MACROD2: variants seen among roughly 807,000 people sequenced by gnomAD.
MACROD2 encodes ADP-ribose glycohydrolase MACROD2.
In MACROD2, 36 loss-of-function variants were observed where a neutral mutation model predicts 70.4. That is an observed-to-expected ratio of 0.51 (90% CI 0.39 to 0.68). MACROD2 has a LOEUF of 0.68. Among genes scored for constraint, MACROD2 ranks in the 30% least tolerant of loss-of-function variants. The pLI is 0.00. For missense variants in MACROD2, 496 were observed against 538.4 expected (o/e 0.92, Z 0.78); for synonymous variants, 172 against 178.8 (o/e 0.96, Z 0.30).
At chr20:15,136,419 C>G (rs1237467123) in intron 5 of MACROD2, among the ~76,000 whole-genome samples, 3 of 152,096 alleles carry the variant, frequency 2.0e-5, no homozygotes, top group Non-Finnish European at 4.4e-5. Context: ...ATATCTACAA[C>G]TATCTGATCT....
intron 6 of MACROD2, among the ~76,000 whole-genome samples, chr20:15,425,499 G>C (rs2046285591): frequency 6.6e-6 from 1 of 152,152 alleles, no homozygotes; most frequent in South Asian, 2.1e-4. Context: ...TAAATGGAAG[G>C]TATATCAGGT....
chr20:14,996,396 A>G (rs2074949700), intron 5 of MACROD2, among the ~76,000 whole-genome samples: 1 of 152,144 alleles, frequency 6.6e-6, no homozygotes, highest in Non-Finnish European at 1.5e-5. Context: ...TTGATAAAGA[A>G]AAGCCCATTG....
At chr20:14,837,744 A>G (rs950230762) in intron 5 of MACROD2, among the ~76,000 whole-genome samples, 2 of 152,122 alleles carry the variant, frequency 1.3e-5, no homozygotes, top group Admixed American at 6.6e-5. Flanking sequence ...TGTTTTACAT[A>G]GGAAACAAAA....
chr20:15,216,300 T>C (rs1048904234), intron 5 of MACROD2, among the ~76,000 whole-genome samples: 1 of 152,042 alleles, frequency 6.6e-6, no homozygotes, highest in African/African-American at 2.4e-5. Flanking sequence ...CAAAATATTT[T>C]ATGTACCCCA....
chr20:15,847,861 T>C (rs1346354128), intron 8 of MACROD2, among the ~76,000 whole-genome samples: 1 of 150,598 alleles, frequency 6.6e-6, no homozygotes, highest in Non-Finnish European at 1.5e-5. Flanking sequence ...AGTTATTCTT[T>C]TGTCATTGTT....
At chr20:15,530,303 T>G (rs10485528) in intron 8 of MACROD2, among the ~76,000 whole-genome samples, 14,234 of 152,262 alleles carry the variant, frequency 0.093, 822 homozygotes, top group Admixed American at 0.16. Context: ...AAATTAATTC[T>G]TATACTAAGG....
chr20:14,981,432 G>GTATATA lies in MACROD2; in HGVS notation c.419-248492_419-248487dup, dbSNP rs747438726. 1.7e-3 allele frequency among the ~76,000 whole-genome samples: 234 copies of GTATATA among 141,452 alleles called. 1 individual carries two copies. The highest frequency in any genetic ancestry group is 5.3e-3 in the African/African-American group (203 of 38,100). 92.8% of individuals were successfully genotyped at this position (141,452 alleles called of 152,430 possible). ...TACGTGTGTGTGTATATATGTATAT[G>GTATATA]TATATATATATATATATATATGTGT... is the stretch of plus-strand genomic sequence containing the variant. On this transcript the variant is annotated intron_variant, in intron 5 of 17. Coordinates refer to ENST00000684519, the MANE Select transcript of MACROD2 (RefSeq NM_001351661.2).
At chr20:15,091,635 C>T (rs965612719) in intron 5 of MACROD2, among the ~76,000 whole-genome samples, 1 of 152,148 alleles carries the variant, frequency 6.6e-6, no homozygotes, top group African/African-American at 2.4e-5. Flanking sequence ...TTGCCTGGTT[C>T]TCTGTGGTTT....
chr20:14,855,397 G>T (rs2122330926), intron 5 of MACROD2, among the ~76,000 whole-genome samples: 1 of 152,198 alleles, frequency 6.6e-6, no homozygotes, highest in South Asian at 2.1e-4. Flanking sequence ...CCTTAAAAGG[G>T]ACCTGGCGGG....
chr20:15,571,891 T>TA (rs2048381035), intron 8 of MACROD2, among the ~76,000 whole-genome samples: 1 of 152,106 alleles, frequency 6.6e-6, no homozygotes. Context: ...GTAATTTTTT[T>TA]AAAAAGTGTT....
chr20:15,762,590 A>G (rs2051453641), intron 8 of MACROD2, among the ~76,000 whole-genome samples: 1 of 152,216 alleles, frequency 6.6e-6, no homozygotes, highest in Admixed American at 6.5e-5. Flanking sequence ...AAAGAAGCAG[A>G]GTTAACAGCC....
intron 8 of MACROD2, among the ~76,000 whole-genome samples, chr20:15,660,954 A>G (rs930706228): frequency 4.6e-5 from 7 of 152,200 alleles, no homozygotes; most frequent in Non-Finnish European, 1.0e-4. Context: ...TTTTGATCTA[A>G]TCATTTGCAT....
At chr20:14,934,573 G>A (rs2074324229) in intron 5 of MACROD2, among the ~76,000 whole-genome samples, 1 of 152,128 alleles carries the variant, frequency 6.6e-6, no homozygotes, top group Admixed American at 6.5e-5. Flanking sequence ...GATCACTTGA[G>A]GTTAGGAGTT....
chr20:15,580,705 G>A (rs564203778), intron 8 of MACROD2, among the ~76,000 whole-genome samples: 3 of 152,158 alleles, frequency 2.0e-5, no homozygotes, highest in Non-Finnish European at 4.4e-5. Context: ...AGATTAATAG[G>A]TGAAAAGGCA....
At chr20:14,618,204 T>A (rs1387170026) in intron 4 of MACROD2, among the ~76,000 whole-genome samples, 29 of 152,082 alleles carry the variant, frequency 1.9e-4, no homozygotes. Flanking sequence ...GATGAATTGA[T>A]GAGCTGAGCT....
intron 12 of MACROD2, among the ~76,000 whole-genome samples, chr20:15,951,306 GACACACAC>G (rs58032991): frequency 0.022 from 2,919 of 135,602 alleles, 54 homozygotes; most frequent in Non-Finnish European, 0.029. Flanking sequence ...TATTTATCTA[GACACACAC>G]ACACACACAC....
chr20:14,687,848 A>T (rs757288149), intron 5 of MACROD2, among the ~76,000 whole-genome samples: 1 of 152,362 alleles, frequency 6.6e-6, no homozygotes, highest in South Asian at 2.1e-4. Flanking sequence ...TATTAAAAGC[A>T]TAAAGGAAAG....
At chr20:14,467,429 T>C (rs539722204) in intron 3 of MACROD2, among the ~76,000 whole-genome samples, 1 of 152,226 alleles carries the variant, frequency 6.6e-6, no homozygotes, top group African/African-American at 2.4e-5. Flanking sequence ...CCAGGTGCCA[T>C]CTGTCACCCC....
chr20:15,965,963 A>G (rs1334440087), intron 12 of MACROD2, among the ~76,000 whole-genome samples: 1 of 152,194 alleles, frequency 6.6e-6, no homozygotes, highest in African/African-American at 2.4e-5. Flanking sequence ...TCGGGTATAT[A>G]TTGATACTTG....
Sources: allele counts gnomAD v4.1 joint callset (sites outside exome capture counted in the v4.1 genomes callset), GRCh38; gene constraint gnomAD v4.1.1; transcripts MANE v1.5; gene names NCBI Gene and HGNC (gene_info 2026-07-23, HGNC 2026-07-21).